Variants in DLAT observed in about 807,000 individuals in gnomAD.
DLAT encodes dihydrolipoyllysine-residue acetyltransferase component of pyruvate dehydrogenase complex, mitochondrial.
In DLAT, 43 loss-of-function variants were observed where a neutral mutation model predicts 68.0. The observed-to-expected ratio is 0.63, with a 90% confidence interval of 0.50 to 0.81. The LOEUF is 0.81. Among genes scored for constraint, DLAT ranks in the 40% least tolerant of loss-of-function variants. DLAT has a pLI of 0.00. For synonymous variants in DLAT, 265 were observed against 288.6 expected, an observed-to-expected ratio of 0.92 and a Z score of 0.83; for missense variants, 745 against 815.4, an observed-to-expected ratio of 0.91 and a Z score of 1.05.
At chr11:112,048,433 C>T (rs587677689) in intron 10 of DLAT, among the ~76,000 whole-genome samples, 1 of 152,316 alleles carries the variant, frequency 6.6e-6, no homozygotes, top group African/African-American at 2.4e-5. Flanking sequence ...TTGACTTCCT[C>T]TTTTTCTATT....
In DLAT at chr11:112,063,049, C is replaced by T. The variant is rs1463222150; in HGVS notation, c.*514C>T. On this transcript the variant is annotated 3_prime_UTR_variant, in exon 14 of 14. Coordinates refer to ENST00000280346, the MANE Select transcript of DLAT (RefSeq NM_001931.5). ...TTTCCATTACATGATCTTGGTTTATCATCGATGGGAAGGGTAGAAAACTTC... is the reference window on the plus strand; with the variant it reads ...TTTCCATTACATGATCTTGGTTTATTATCGATGGGAAGGGTAGAAAACTTC... The T allele has an allele frequency of 1.3e-5, 2 of 156,664 alleles. No individual in the cohort carries two copies. Among genetic ancestry groups the T allele is most frequent in the Non-Finnish European group, 1.4e-5 (1 of 70,684 alleles). The allele number at this position is 156,664 out of a possible 1,614,324, so 9.7% of individuals were successfully genotyped here. A position where few individuals can be genotyped will look rare whatever the true frequency, so the allele number is the denominator to read the frequency against.
chr11:112,046,115 T>G, intron 10 of DLAT, 145 bp downstream of exon 10: 1 of 612,618 alleles, frequency 1.6e-6, no homozygotes. Flanking sequence ...GCACAAGATT[T>G]TAAATATTGG....
At chr11:112,036,234 A>G in intron 5 of DLAT, among the ~76,000 whole-genome samples, 2 of 23,558 alleles carry the variant, frequency 8.5e-5, no homozygotes, top group Non-Finnish European at 9.8e-5. Context: ...TTTTTTTGAG[A>G]CGGAGTTTCG....
chr11:112,047,237 T>C (rs939253738), intron 10 of DLAT, among the ~76,000 whole-genome samples: 11 of 152,244 alleles, frequency 7.2e-5, no homozygotes, highest in African/African-American at 1.9e-4. Flanking sequence ...CTTTTTTTCA[T>C]GTTTGTTGGC....
At chr11:112,025,801 C>A in intron 1 of DLAT, 50 bp downstream of exon 1, 1 of 1,606,366 alleles carries the variant, frequency 6.2e-7, no homozygotes, top group Non-Finnish European at 8.5e-7. Context: ...TCAGAGCTGA[C>A]TGGATGCCTG....
intron 11 of DLAT, among the ~76,000 whole-genome samples, chr11:112,054,597 T>C (rs782374733): frequency 2.6e-5 from 4 of 152,232 alleles, no homozygotes; most frequent in Non-Finnish European, 5.9e-5. Flanking sequence ...ACCTATTGGG[T>C]AAACTCTTTG....
rs587647085 is a variant in DLAT, at chr11:112,037,212, G to T, written c.788-61G>T. 3.3e-6 allele frequency: 5 copies of T among 1,500,360 alleles called. No individual in the cohort carries two copies. In the African/African-American group the frequency reaches 4.1e-5, roughly 12 times the overall value. The allele number at this position is 1,500,360 out of a possible 1,614,324, so 92.9% of individuals were successfully genotyped here. ...AAATCACTTTACTTAAAACTGTGCT[G>T]TGAGTTTGGAGGGATAGTGGAATCT... On this transcript the variant is annotated intron_variant, in intron 5 of 13. Transcript: ENST00000280346.
chr11:112,057,117 A>C (rs1466132066), intron 11 of DLAT, among the ~76,000 whole-genome samples: 1 of 152,174 alleles, frequency 6.6e-6, no homozygotes, highest in Non-Finnish European at 1.5e-5. Context: ...TGCCCCATGA[A>C]CCATGCCCAT....
rs1035034726 is a variant in DLAT at position 112,025,504 on chromosome 11, A to G, written c.32A>G (p.Asn11Ser). 1.9e-6 allele frequency: 3 copies of G among 1,613,696 alleles called. No homozygotes were observed. Among genetic ancestry groups the G allele is most frequent in the Non-Finnish European group, 2.5e-6 (3 of 1,179,950 alleles). Reference protein sequence around the residue: MWRVCARRAQNVAPWAGLEAR... With the variant: MWRVCARRAQSVAPWAGLEAR... Reference sequence around the variant, plus strand: ...CGCGTCTGTGCGCGACGGGCTCAGAATGTAGCCCCATGGGCGGGACTCGAG... The same window carrying G: ...CGCGTCTGTGCGCGACGGGCTCAGAGTGTAGCCCCATGGGCGGGACTCGAG... Residue 11 changes from asparagine to serine, a missense_variant, in exon 1 of 14, where the codon AAT becomes AGT. Transcript: ENST00000280346.
At chr11:112,042,552 G>A (rs782033594) in intron 7 of DLAT, among the ~76,000 whole-genome samples, 4 of 152,142 alleles carry the variant, frequency 2.6e-5, no homozygotes, top group Non-Finnish European at 5.9e-5. Context: ...TCTGCCTTGG[G>A]GGAAGATGAA....
At position 112,032,868 on chromosome 11, in the gene DLAT, A is replaced by G. The variant is rs116121325; in HGVS notation, c.661-536A>G. 4.3e-3 allele frequency among the ~76,000 whole-genome samples: 649 copies of G among 152,286 alleles called. 2 individuals carry two copies. Among genetic ancestry groups the G allele is most frequent in the African/African-American group, 0.014 (597 of 41,558 alleles). On this transcript the variant is annotated intron_variant, in intron 4 of 13. Transcript: ENST00000280346. ...ATTACTTGTGGATGGGCGTTCAGAG[A>G]CCAGCCTGGCCAACATGGTAAAACC... is the stretch of plus-strand genomic sequence containing the variant.
chr11:112,054,592 T>C (rs897514228), intron 11 of DLAT, among the ~76,000 whole-genome samples: 2 of 152,312 alleles, frequency 1.3e-5, no homozygotes, highest in African/African-American at 4.8e-5. Flanking sequence ...ATCAAACCTA[T>C]TGGGTAAACT....
chr11:112,030,856 C>T (rs72991458), intron 4 of DLAT, among the ~76,000 whole-genome samples: 3,804 of 152,264 alleles, frequency 0.025, 66 homozygotes, highest in Non-Finnish European at 0.038. Context: ...ATGTTCTACT[C>T]CATGGTCTGT....
intron 4 of DLAT, chr11:112,029,813 C>A: frequency 1.8e-6 from 1 of 562,062 alleles, no homozygotes. Flanking sequence ...GAAGGGAAGG[C>A]CTAATTCAGT....
chr11:112,033,223 A>C (rs1240026262), intron 4 of DLAT, among the ~76,000 whole-genome samples, 181 bp from the exon 5 acceptor site: 1 of 152,182 alleles, frequency 6.6e-6, no homozygotes, highest in Non-Finnish European at 1.5e-5. Flanking sequence ...TATGGGTCAG[A>C]GTATGAGATT....
At chr11:112,047,038 C>A (rs782699697) in intron 10 of DLAT, among the ~76,000 whole-genome samples, 1 of 152,160 alleles carries the variant, frequency 6.6e-6, no homozygotes, top group African/African-American at 2.4e-5. Flanking sequence ...CTTGAGGAAC[C>A]GCCACACTGT....
At chr11:112,027,771 G>T (rs1008369201) in intron 2 of DLAT, among the ~76,000 whole-genome samples, 1 of 139,764 alleles carries the variant, frequency 7.2e-6, no homozygotes, top group East Asian at 2.1e-4. Context: ...GTGGCGGCGC[G>T]TGCCTGCAAT....
At chr11:112,038,252 G>T (rs1862875807) in intron 6 of DLAT, among the ~76,000 whole-genome samples, 1 of 152,128 alleles carries the variant, frequency 6.6e-6, no homozygotes, top group Non-Finnish European at 1.5e-5. Flanking sequence ...AGGCTGGCGT[G>T]CAGTGGCGTG....
At chr11:112,043,032 C>G (rs1555181099) in intron 7 of DLAT, among the ~76,000 whole-genome samples, 1 of 152,200 alleles carries the variant, frequency 6.6e-6, no homozygotes, top group Non-Finnish European at 1.5e-5. Flanking sequence ...CAAATGAAAT[C>G]TATTTCACGG....
Sources: gnomAD v4.1 joint callset for allele counts (sites outside exome capture counted in the v4.1 genomes callset) on GRCh38, gnomAD v4.1.1 for gene constraint, MANE v1.5 for transcripts, NCBI Gene and HGNC (gene_info 2026-07-23, HGNC 2026-07-21) for gene names.